ANKRD44: variants seen among roughly 807,000 people sequenced by gnomAD.
ANKRD44 encodes ankyrin repeat domain 44, also known as serine/threonine-protein phosphatase 6 regulatory ankyrin repeat subunit B.
Under a neutral mutation model 116.0 loss-of-function variants are expected in ANKRD44, and 35 were observed. The ratio of observed to expected loss-of-function variants is 0.30; its 90% CI spans 0.23 to 0.40. The LOEUF is 0.40. Ranked by LOEUF, ANKRD44 falls within the 10% of genes least tolerant of loss-of-function variation. The pLI, the probability that ANKRD44 is intolerant of heterozygous loss-of-function variation, is 1.00. For missense variants in ANKRD44, 1,014 were observed against 1,242.6 expected (o/e 0.82, Z 2.77); for synonymous variants, 435 against 461.8 (o/e 0.94, Z 0.74).
At chr2:196,989,892 A>G in intron 27 of ANKRD44, 1 of 1,196,526 alleles carries the variant, frequency 8.4e-7, no homozygotes, top group Non-Finnish European at 1.0e-6. Context: ...TTAAGAATAA[A>G]TTAACAAAGG....
At chr2:197,288,618 G>GAT (rs34282677) in intron 1 of ANKRD44, among the ~76,000 whole-genome samples, 91 of 151,366 alleles carry the variant, frequency 6.0e-4, no homozygotes, top group African/African-American at 1.6e-3. Flanking sequence ...AAGAAAATGT[G>GAT]ATATATATAT....
chr2:197,299,465 G>A (rs961497555), intron 1 of ANKRD44: 1 of 152,172 alleles, frequency 6.6e-6, no homozygotes, highest in African/African-American at 2.4e-5. Flanking sequence ...GATAAAGAAA[G>A]TGTGGTAGAT....
intron 9 of ANKRD44, among the ~76,000 whole-genome samples, chr2:197,103,921 A>G (rs985417495): frequency 2.6e-5 from 4 of 152,140 alleles, no homozygotes; most frequent in Admixed American, 1.3e-4. Context: ...TTAATGTTAC[A>G]TTACAATCCT....
intron 21 of ANKRD44, among the ~76,000 whole-genome samples, chr2:196,978,981 C>T (rs1238710111): frequency 1.3e-5 from 2 of 151,454 alleles, no homozygotes; most frequent in Non-Finnish European, 2.9e-5. Flanking sequence ...ATAGCATAGT[C>T]GTAAAGATTA....
downstream of ANKRD44, among the ~76,000 whole-genome samples, chr2:196,983,339 G>A (rs777222828): frequency 2.4e-4 from 36 of 152,068 alleles, no homozygotes; most frequent in Non-Finnish European, 1.8e-4. Context: ...GGCTGAGATC[G>A]CTGTTAATCT....
chr2:197,275,897 A>G (rs2083068362), intron 1 of ANKRD44, among the ~76,000 whole-genome samples: 1 of 152,222 alleles, frequency 6.6e-6, no homozygotes, highest in Non-Finnish European at 1.5e-5. Flanking sequence ...GCATTTCATA[A>G]AATATTGTTT....
intron 2 of ANKRD44, among the ~76,000 whole-genome samples, chr2:197,169,544 G>A (rs1228831694): frequency 6.6e-6 from 1 of 152,174 alleles, no homozygotes; most frequent in Non-Finnish European, 1.5e-5. Flanking sequence ...CTATGTAGCA[G>A]TGGATTGTGA....
chr2:197,205,427 T>C (rs924545237), intron 1 of ANKRD44, among the ~76,000 whole-genome samples: 1 of 152,184 alleles, frequency 6.6e-6, no homozygotes, highest in Non-Finnish European at 1.5e-5. Context: ...CATCTCACTG[T>C]ATTTTTCAGA....
chr2:197,027,825 G>A (rs565637413), intron 16 of ANKRD44, among the ~76,000 whole-genome samples: 2 of 152,014 alleles, frequency 1.3e-5, no homozygotes, highest in Admixed American at 1.3e-4. Flanking sequence ...TGGGACTACA[G>A]GCACGTGCCA....
chr2:197,118,633 G>GAAAGAAAGAA (rs767547012), intron 8 of ANKRD44, among the ~76,000 whole-genome samples: 1,833 of 48,550 alleles, frequency 0.038, 30 homozygotes, highest in African/African-American at 0.099. Context: ...GAGAGAGAGA[G>GAAAGAAAGAA]AGAGAGAAAG....
intron 1 of ANKRD44, among the ~76,000 whole-genome samples, chr2:197,257,802 A>G (rs888040165): frequency 6.6e-6 from 1 of 152,190 alleles, no homozygotes; most frequent in Admixed American, 6.5e-5. Context: ...GTACATTCAC[A>G]TTATTATACA....
chr2:197,052,680 G>A (rs945458695), intron 16 of ANKRD44, among the ~76,000 whole-genome samples: 3 of 152,094 alleles, frequency 2.0e-5, no homozygotes, highest in Non-Finnish European at 4.4e-5. Context: ...CTGGGGAGAA[G>A]GTGAGCTGCT....
chr2:197,181,705 C>T (rs114203409), intron 2 of ANKRD44, among the ~76,000 whole-genome samples: 5 of 152,286 alleles, frequency 3.3e-5, no homozygotes, highest in African/African-American at 1.2e-4. Flanking sequence ...TCCAGTCTAG[C>T]GGTCTTTCAG....
chr2:197,023,178 T>C (rs1026899068), intron 17 of ANKRD44, among the ~76,000 whole-genome samples: 1 of 152,246 alleles, frequency 6.6e-6, no homozygotes, highest in Non-Finnish European at 1.5e-5. Flanking sequence ...TTGTGTTACA[T>C]CCATTAACTC....
intron 1 of ANKRD44, among the ~76,000 whole-genome samples, chr2:197,267,100 T>G (rs1389425963): frequency 1.3e-5 from 2 of 152,188 alleles, no homozygotes; most frequent in Non-Finnish European, 2.9e-5. Flanking sequence ...TTAGCCTGAA[T>G]AAACATGGAA....
intron 2 of ANKRD44, among the ~76,000 whole-genome samples, chr2:197,160,820 C>T (rs1655846642): frequency 1.3e-5 from 2 of 152,158 alleles, no homozygotes; most frequent in South Asian, 4.1e-4. Context: ...CCTTTCTCTC[C>T]TCACCCAAAG....
intron 17 of ANKRD44, among the ~76,000 whole-genome samples, chr2:197,021,172 C>T (rs938536261): frequency 6.6e-6 from 1 of 152,166 alleles, no homozygotes; most frequent in African/African-American, 2.4e-5. Flanking sequence ...GTATATGTGC[C>T]ACATTTGCTT....
intron 15 of ANKRD44, among the ~76,000 whole-genome samples, chr2:197,080,827 A>G (rs962857170): frequency 5.9e-5 from 9 of 152,208 alleles, no homozygotes; most frequent in Non-Finnish European, 1.3e-4. Context: ...GGAAGAATAA[A>G]TAAGTTAACA....
intron 7 of ANKRD44, among the ~76,000 whole-genome samples, chr2:197,122,081 G>A (rs540772257): frequency 2.6e-5 from 4 of 152,088 alleles, no homozygotes; most frequent in Non-Finnish European, 5.9e-5. Flanking sequence ...CCGTCAGGAG[G>A]TGTGTTTCGT....
Sources: gnomAD v4.1 joint callset for allele counts (sites outside exome capture counted in the v4.1 genomes callset) on GRCh38, gnomAD v4.1.1 for gene constraint, MANE v1.5 for transcripts, NCBI Gene and HGNC (gene_info 2026-07-23, HGNC 2026-07-21) for gene names.